AFF3: variants seen among roughly 807,000 people sequenced by gnomAD.
The protein encoded by AFF3 is ALF transcription elongation factor 3.
Under a neutral mutation model 129.7 loss-of-function variants are expected in AFF3, and 32 were observed. That is an observed-to-expected ratio of 0.25 (90% CI 0.19 to 0.33). The LOEUF is 0.33. AFF3 is among the 10% of genes least tolerant of loss of function. The probability of loss-of-function intolerance (pLI) is 1.00; values close to 1 mark genes in which losing one functional copy is unlikely to be tolerated. For missense variants in AFF3, 1,373 were observed against 1,592.0 expected (o/e 0.86, Z 2.34); for synonymous variants, 644 against 635.4 (o/e 1.01, Z -0.20).
intron 10 of AFF3, among the ~76,000 whole-genome samples, chr2:99,741,122 C>T (rs1336765931): frequency 6.6e-6 from 1 of 152,124 alleles, no homozygotes; most frequent in East Asian, 1.9e-4. Flanking sequence ...AGACATGCGG[C>T]GTTATTTCTG....
At chr2:99,979,293 G>A (rs951173541) in intron 7 of AFF3, among the ~76,000 whole-genome samples, 1 of 152,086 alleles carries the variant, frequency 6.6e-6, no homozygotes, top group Admixed American at 6.5e-5. Flanking sequence ...TCATCTTAGT[G>A]AGAGGCAGCC....
chr2:99,728,179 T>C (rs1679515067), intron 10 of AFF3, among the ~76,000 whole-genome samples: 1 of 152,234 alleles, frequency 6.6e-6, no homozygotes, highest in Admixed American at 6.5e-5. Context: ...TGCATCCTCA[T>C]TCTGTAAGGA....
intron 8 of AFF3, among the ~76,000 whole-genome samples, chr2:99,795,174 AAC>A (rs1044444605): frequency 1.3e-5 from 2 of 151,600 alleles, no homozygotes; most frequent in African/African-American, 2.4e-5. Flanking sequence ...TGTGCATATA[AAC>A]ACACACACAC....
intron 4 of AFF3, among the ~76,000 whole-genome samples, chr2:100,033,580 T>G (rs189976918): frequency 3.3e-5 from 5 of 152,290 alleles, no homozygotes; most frequent in Admixed American, 3.3e-4. Flanking sequence ...TAATTGTAAC[T>G]TAACATTTTA....
At chr2:99,786,426 G>A (rs1402221660) in intron 8 of AFF3, among the ~76,000 whole-genome samples, 5 of 152,172 alleles carry the variant, frequency 3.3e-5, no homozygotes, top group East Asian at 1.9e-4. Context: ...GCCATAAAGC[G>A]AAAGGTAGAA....
chr2:99,808,074 G>A (rs546232457), intron 8 of AFF3, among the ~76,000 whole-genome samples: 6 of 152,316 alleles, frequency 3.9e-5, no homozygotes, highest in Admixed American at 6.5e-5. Flanking sequence ...AAATAGCTAC[G>A]TCTTAGAACG....
In AFF3 at chr2:99,561,038, C is replaced by T. The variant is rs868769741; in HGVS notation, c.3120-602G>A. Among the ~76,000 whole-genome samples the T allele has an allele frequency of 1.1e-4, 16 of 152,290 alleles. No homozygotes were observed. The East Asian group carries it at 2.3e-3, about 22-fold the overall frequency. ...AGGGGACTGTGGCCATTGCTTTCTC[C>T]CAACAACATACCAAATTACATATGC... is the stretch of plus-strand genomic sequence containing the variant. On this transcript the variant is annotated intron_variant, in intron 20 of 24. Transcript: ENST00000672756.
chr2:99,938,822 A>G (rs1025495919), intron 7 of AFF3, among the ~76,000 whole-genome samples: 2 of 152,154 alleles, frequency 1.3e-5, no homozygotes, highest in African/African-American at 4.8e-5. Context: ...TATGAGTCTT[A>G]GTGTCTTTCT....
intron 8 of AFF3, among the ~76,000 whole-genome samples, chr2:99,806,083 T>C (rs993990794): frequency 7.9e-5 from 12 of 152,082 alleles, no homozygotes; most frequent in Admixed American, 5.9e-4. Flanking sequence ...AGAACAGTTA[T>C]AGTAAACCAC....
intron 7 of AFF3, among the ~76,000 whole-genome samples, chr2:99,894,814 A>G (rs1038244559): frequency 3.3e-5 from 5 of 152,182 alleles, no homozygotes; most frequent in African/African-American, 1.2e-4. Context: ...CATAATACAT[A>G]GGTGTATGCT....
At chr2:99,904,769 G>A (rs1694591278) in intron 7 of AFF3, among the ~76,000 whole-genome samples, 1 of 152,110 alleles carries the variant, frequency 6.6e-6, no homozygotes, top group South Asian at 2.1e-4. Flanking sequence ...AATCCCGAAT[G>A]AGAATGGCCC....
chr2:100,059,180 G>A (rs1053707421), intron 4 of AFF3, among the ~76,000 whole-genome samples: 4 of 142,774 alleles, frequency 2.8e-5, no homozygotes, highest in African/African-American at 1.1e-4. Context: ...TTGAACCTGG[G>A]AGGCAGAGCC....
At chr2:99,922,276 T>C (rs1230045144) in intron 7 of AFF3, among the ~76,000 whole-genome samples, 6 of 152,190 alleles carry the variant, frequency 3.9e-5, no homozygotes, top group African/African-American at 1.4e-4. Flanking sequence ...TATATTACAA[T>C]ATCCACATTC....
intron 4 of AFF3, among the ~76,000 whole-genome samples, chr2:100,099,652 A>G (rs2576639): frequency 1.3e-5 from 2 of 152,222 alleles, no homozygotes; most frequent in Non-Finnish European, 2.9e-5. Flanking sequence ...CCCCTCAAGC[A>G]GGCAGTGTCA....
intron 13 of AFF3, among the ~76,000 whole-genome samples, chr2:99,614,411 GCATTTACACAGA>G (rs1291042444): frequency 2.0e-5 from 3 of 152,176 alleles, no homozygotes; most frequent in African/African-American, 7.2e-5. Context: ...AGCCCATTAG[GCATTTACACAGA>G]CATATCAGGG....
chr2:99,825,617 C>T (rs1485913207), intron 8 of AFF3, among the ~76,000 whole-genome samples: 1 of 152,146 alleles, frequency 6.6e-6, no homozygotes. Flanking sequence ...CCAAATTATC[C>T]CTGCAAATGT....
intron 7 of AFF3, among the ~76,000 whole-genome samples, chr2:99,952,499 C>T (rs1021857067): frequency 6.6e-5 from 10 of 152,136 alleles, no homozygotes; most frequent in Non-Finnish European, 1.0e-4. Context: ...CCCTCTGTCC[C>T]GCTGCCCCCA....
rs545194849 is a variant in AFF3, at chr2:99,959,388, G to A, written c.873+47244C>T. Among the ~76,000 whole-genome samples the A allele has an allele frequency of 2.8e-5, 4 of 144,888 alleles. No individual in the cohort carries two copies. The East Asian group carries it at 8.0e-4, about 29-fold the overall frequency. Reference sequence around the variant, plus strand: ...AACATTATCAAGAATAGGACAAAGAGTCAGAAAACAAAATGTATGCGGCTG... The same window carrying A: ...AACATTATCAAGAATAGGACAAAGAATCAGAAAACAAAATGTATGCGGCTG... On this transcript the variant is annotated intron_variant, in intron 7 of 24. Transcript: ENST00000672756.
intron 4 of AFF3, among the ~76,000 whole-genome samples, chr2:100,076,165 G>C (rs565516210): frequency 6.6e-6 from 1 of 152,186 alleles, no homozygotes; most frequent in Non-Finnish European, 1.5e-5. Flanking sequence ...TGGTGAAAAA[G>C]ATGTGACTCA....
Sources: gnomAD v4.1 joint callset for allele counts (sites outside exome capture counted in the v4.1 genomes callset) on GRCh38, gnomAD v4.1.1 for gene constraint, MANE v1.5 for transcripts, NCBI Gene and HGNC (gene_info 2026-07-23, HGNC 2026-07-21) for gene names.